Variants in SLC37A2 observed in about 807,000 individuals in gnomAD.
SLC37A2 encodes the protein glucose-6-phosphate exchanger SLC37A2.
In SLC37A2, 59 loss-of-function variants were observed where a neutral mutation model predicts 70.7. The observed-to-expected ratio is 0.83, with a 90% CI of 0.68 to 1.04. The LOEUF is 1.04. Ranked by LOEUF, SLC37A2 falls within the 50% of genes least tolerant of loss-of-function variation. The pLI, the probability that SLC37A2 is intolerant of heterozygous loss-of-function variation, is 0.00. For missense variants in SLC37A2, 580 were observed against 658.1 expected (o/e 0.88, Z 1.30); for synonymous variants, 257 against 262.1 (o/e 0.98, Z 0.19).
In SLC37A2 at chr11:125,088,204, A is replaced by G. The variant is rs146696496; in HGVS notation, c.*70A>G. ...CAACGTGCTCCCCATGGGCAAGACAATGGAAACTTCCACAAGCAGGGAAGG... is the reference window on the plus strand; with the variant it reads ...CAACGTGCTCCCCATGGGCAAGACAGTGGAAACTTCCACAAGCAGGGAAGG... On this transcript the variant is annotated 3_prime_UTR_variant, in exon 18 of 18. Coordinates refer to ENST00000403796, the MANE Select transcript of SLC37A2 (RefSeq NM_001145290.2). 0.012 allele frequency: 18,518 copies of G among 1,523,570 alleles called. 165 individuals are homozygous for G. Among genetic ancestry groups the G allele is most frequent in the South Asian group, 0.026 (2,132 of 83,318 alleles). The allele number at this position is 1,523,570 out of a possible 1,614,324, so 94.4% of individuals were successfully genotyped here.
Position 125,080,533 on chromosome 11 carries a change from G to A in SLC37A2, c.528-81G>A, listed in dbSNP as rs1591632574. 5.3e-6 allele frequency: 7 copies of A among 1,317,430 alleles called. No homozygotes were observed. The highest frequency in any genetic ancestry group is 6.9e-6 in the Non-Finnish European group (7 of 1,007,236). 81.6% of individuals were successfully genotyped at this position (1,317,430 alleles called of 1,614,324 possible). ...AAGCTGTAGTCAGCCCAGCTTTAGAGCTTGGCTGGGGCAGTTGCTATGAAC... is the reference window on the plus strand; with the variant it reads ...AAGCTGTAGTCAGCCCAGCTTTAGAACTTGGCTGGGGCAGTTGCTATGAAC... On this transcript the variant is annotated intron_variant, in intron 6 of 17. Coordinates refer to ENST00000403796, the MANE Select transcript of SLC37A2 (RefSeq NM_001145290.2). The surrounding 1 kb of genome is among the most constrained non-coding windows in gnomAD (Gnocchi z 4.3).
At chr11:125,085,820 G>A (rs1008044549) in intron 16 of SLC37A2, 134 bp from the exon 17 acceptor site, 6 of 1,235,196 alleles carry the variant, frequency 4.9e-6, no homozygotes, top group African/African-American at 4.4e-5. Context: ...TCCCTCCCCC[G>A]AGTGACCCCT....
At chr11:125,064,975 AAG>A (rs1409212242) in intron 1 of SLC37A2, among the ~76,000 whole-genome samples, 6 of 152,244 alleles carry the variant, frequency 3.9e-5, no homozygotes, top group African/African-American at 1.4e-4. Flanking sequence ...CAATTTTAAA[AAG>A]AGAATCTAAA....
At chr11:125,087,786 C>T (rs1366809567) in intron 17 of SLC37A2, 2 of 222,098 alleles carry the variant, frequency 9.0e-6, no homozygotes, top group African/African-American at 2.3e-5. Flanking sequence ...GCATGCGCCA[C>T]CACGCCCGGC....
In SLC37A2 at chr11:125,077,275, G is replaced by T. The variant is rs1262381574; in HGVS notation, c.187G>T (p.Asp63Tyr). 2 of 1,608,412 alleles carry T rather than the reference G, an allele frequency of 1.2e-6. No homozygotes were observed. The highest frequency in any genetic ancestry group is 1.7e-6 in the Non-Finnish European group (2 of 1,177,184). ...NCSEQIKPINDTHSLNDTMWC... is the reference protein window; with the variant it reads ...NCSEQIKPINYTHSLNDTMWC... ...CTCGGAGCAGATCAAACCCATCAAT[G>T]ATACTCACAGTCTCAATGACACCAT... The change falls in exon 3 of 18, where the codon GAT becomes TAT. Residue 63 changes from aspartate to tyrosine, a missense_variant. Asp to Tyr is a radical substitution (Grantham distance 160). Coordinates refer to ENST00000403796, the MANE Select transcript of SLC37A2 (RefSeq NM_001145290.2).
At chr11:125,065,723 G>A (rs1370719853) in intron 1 of SLC37A2, among the ~76,000 whole-genome samples, 3 of 152,022 alleles carry the variant, frequency 2.0e-5, no homozygotes, top group Non-Finnish European at 4.4e-5. Flanking sequence ...GGTCTTGGTT[G>A]CATAACCAAT....
chr11:125,079,459 T>A (rs1949124846), intron 5 of SLC37A2, among the ~76,000 whole-genome samples: 1 of 152,166 alleles, frequency 6.6e-6, no homozygotes, highest in Admixed American at 6.5e-5. Flanking sequence ...TCACTTCCAA[T>A]GCACGAGAGG....
chr11:125,075,556 C>A (rs772973437), intron 1 of SLC37A2, among the ~76,000 whole-genome samples: 7 of 152,178 alleles, frequency 4.6e-5, no homozygotes, highest in Non-Finnish European at 1.0e-4. Flanking sequence ...GCACTGAAAG[C>A]GTTTTAGCAG....
intron 17 of SLC37A2, chr11:125,086,307 G>T (rs1591635754): frequency 7.3e-6 from 10 of 1,379,136 alleles, no homozygotes; most frequent in Middle Eastern, 3.6e-4. Flanking sequence ...TTTGAGTGGG[G>T]GCTGCATGCA....
chr11:125,088,246 A>G lies in SLC37A2; in HGVS notation c.*112A>G. ...CAGGGAAGGCAAACCCTCTTTATTGAACATTAGCCAGCCCAGCCCAGACCC... is the reference window on the plus strand; with the variant it reads ...CAGGGAAGGCAAACCCTCTTTATTGGACATTAGCCAGCCCAGCCCAGACCC... On this transcript the variant is annotated 3_prime_UTR_variant, in exon 18 of 18. Coordinates refer to ENST00000403796, the MANE Select transcript of SLC37A2 (RefSeq NM_001145290.2). The G allele has an allele frequency of 7.7e-7, 1 of 1,295,778 alleles. No homozygotes were observed. The highest frequency in any genetic ancestry group is 1.3e-5 in the South Asian group (1 of 77,940). 80.3% of individuals were successfully genotyped at this position (1,295,778 alleles called of 1,614,324 possible).
rs773855527 is a variant in SLC37A2 at position 125,079,239 on chromosome 11, G to T, written c.442G>T (p.Val148Phe). 6.2e-7 allele frequency: 1 copy of T among 1,614,110 alleles called. No individual in the cohort carries two copies. Among genetic ancestry groups the T allele is most frequent in the Non-Finnish European group, 8.5e-7 (1 of 1,180,004 alleles). ...WNIHELWYFV[V>F]IQVCNGLVQT... ...CATCCACGAGCTCTGGTACTTTGTGGTCATCCAGGTATGAATCACCGTCTT... is the reference window on the plus strand; with the variant it reads ...CATCCACGAGCTCTGGTACTTTGTGTTCATCCAGGTATGAATCACCGTCTT... The change falls in exon 5 of 18, where the codon GTC becomes TTC. Residue 148 changes from valine (V) to phenylalanine (F), a missense_variant. By Grantham distance (50) the Val-to-Phe change is conservative (BLOSUM62 -1). Coordinates refer to ENST00000403796, the MANE Select transcript of SLC37A2 (RefSeq NM_001145290.2).
At position 125,080,683 on chromosome 11, in the gene SLC37A2, C is replaced by T. The variant is rs368215154; in HGVS notation, c.597C>T (p.Ala199=). The change falls in exon 7 of 18, where the codon GCC becomes GCT. Residue 199 remains alanine, a synonymous_variant. Transcript: ENST00000403796. This position sits in a 1 kb window ranked among gnomAD's most constrained non-coding sequence, Gnocchi z 4.3. ...SVGNILGSLI[A]GIWVNGQWGL... is the part of the protein sequence containing the mutation. ...GCAACATCCTGGGCTCCCTGATCGCCGGCATCTGGGTGAACGGGCAGTGGG... is the reference window on the plus strand; with the variant it reads ...GCAACATCCTGGGCTCCCTGATCGCTGGCATCTGGGTGAACGGGCAGTGGG... 3.4e-5 allele frequency: 54 copies of T among 1,585,702 alleles called. No homozygotes were observed. The highest frequency in any genetic ancestry group is 2.4e-4 in the East Asian group (10 of 42,270).
intron 1 of SLC37A2, 128 bp from the exon 2 acceptor site, chr11:125,076,629 C>G (rs965450233): frequency 1.1e-5 from 9 of 840,780 alleles, no homozygotes; most frequent in Non-Finnish European, 1.3e-5. Flanking sequence ...GCCTCTGCAC[C>G]AAGAAGGAAA....
At chr11:125,067,216 C>G (rs1948989882) in intron 1 of SLC37A2, among the ~76,000 whole-genome samples, 2 of 152,090 alleles carry the variant, frequency 1.3e-5, no homozygotes, top group Admixed American at 1.3e-4. Flanking sequence ...TGGCCTAAAG[C>G]CATCCTCCTA....
intron 4 of SLC37A2, among the ~76,000 whole-genome samples, chr11:125,078,208 C>T (rs137960642): frequency 1.1e-4 from 16 of 152,280 alleles, no homozygotes; most frequent in East Asian, 5.8e-4. Context: ...GCATGATCTA[C>T]GGGAGGAACC....
At chr11:125,069,555 G>T (rs1949009660) in intron 1 of SLC37A2, among the ~76,000 whole-genome samples, 1 of 152,216 alleles carries the variant, frequency 6.6e-6, no homozygotes, top group Non-Finnish European at 1.5e-5. Flanking sequence ...TTTCTGTGGA[G>T]GGAGAGAATC....
Position 125,088,186 on chromosome 11 carries a change from C to T in SLC37A2, c.*52C>T. On this transcript the variant is annotated 3_prime_UTR_variant, in exon 18 of 18. Transcript: ENST00000403796. The stretch of plus-strand genomic sequence containing the variant: ...GGGTCCCAGTTGGGTCCCCAACGTG[C>T]TCCCCATGGGCAAGACAATGGAAAC... The T allele has an allele frequency of 1.3e-6, 2 of 1,545,494 alleles. No individual in the cohort carries two copies. The highest frequency in any genetic ancestry group is 1.8e-6 in the Non-Finnish European group (2 of 1,141,494).
At chr11:125,085,237 A>G in intron 14 of SLC37A2, 98 bp downstream of exon 14, 1 of 1,369,924 alleles carries the variant, frequency 7.3e-7, no homozygotes, top group Admixed American at 1.8e-5. Flanking sequence ...CATCCCGCAG[A>G]GGAGAAACCG....
chr11:125,076,612 C>T, intron 1 of SLC37A2, 145 bp from the exon 2 acceptor site: 1 of 717,246 alleles, frequency 1.4e-6, no homozygotes, highest in East Asian at 2.7e-5. Context: ...TTCCCAGCCT[C>T]CCCTTGGCCT....
Sources: allele counts gnomAD v4.1 joint callset (sites outside exome capture counted in the v4.1 genomes callset), GRCh38; gene constraint gnomAD v4.1.1; non-coding constraint Gnocchi (gnomAD v3.1); transcripts MANE v1.5; gene names NCBI Gene and HGNC (gene_info 2026-07-23, HGNC 2026-07-21).